VAV2: variants seen among roughly 807,000 people sequenced by gnomAD.
VAV2 encodes the protein vav guanine nucleotide exchange factor 2, also known as guanine nucleotide exchange factor VAV2.
In VAV2, 67 loss-of-function variants were observed where a neutral mutation model predicts 132.5. That is an observed-to-expected ratio of 0.51 (90% CI 0.42 to 0.62). The LOEUF is 0.62. Among genes scored for constraint, VAV2 ranks in the 20% least tolerant of loss-of-function variants. VAV2 has a pLI of 0.00. For synonymous variants in VAV2, 492 were observed against 443.5 expected (o/e 1.11, Z -1.37); for missense variants, 938 against 1,153.6 (o/e 0.81, Z 2.71).
In VAV2 at chr9:133,991,909, C is replaced by A. The variant is rs891804516; in HGVS notation, c.204+166G>T. Among the ~76,000 whole-genome samples the A allele has an allele frequency of 6.6e-6, 1 of 150,570 alleles. No homozygotes were observed. The highest frequency in any genetic ancestry group is 2.1e-4 in the South Asian group (1 of 4,824). On this transcript the variant is annotated intron_variant, in intron 1 of 29. Transcript: ENST00000371850. This position sits in a 1 kb window ranked among gnomAD's most constrained non-coding sequence, Gnocchi z 4.8. ...AACTTCGCGCCTCCTGAGGTCGCGTCTCGGAGGCCCGGGGCGCACCCTCCA... is the reference window on the plus strand; with the variant it reads ...AACTTCGCGCCTCCTGAGGTCGCGTATCGGAGGCCCGGGGCGCACCCTCCA...
chr9:133,978,329 A>ATT (rs1422338801), intron 1 of VAV2, among the ~76,000 whole-genome samples: 1 of 152,178 alleles, frequency 6.6e-6, no homozygotes, highest in Non-Finnish European at 1.5e-5. Flanking sequence ...CCAACACAGC[A>ATT]TTTTTTAAAG....
At chr9:133,874,703 C>G (rs1465152224) in intron 2 of VAV2, among the ~76,000 whole-genome samples, 2 of 152,168 alleles carry the variant, frequency 1.3e-5, no homozygotes, top group South Asian at 2.1e-4. Context: ...GAACCTCCTG[C>G]GCTGCTTCTT....
chr9:133,854,835 G>T (rs1281093636), intron 3 of VAV2, among the ~76,000 whole-genome samples: 5 of 152,208 alleles, frequency 3.3e-5, no homozygotes, highest in African/African-American at 1.2e-4. Flanking sequence ...CTGGCCCAGG[G>T]ACTCACATGT....
intron 3 of VAV2, among the ~76,000 whole-genome samples, chr9:133,855,296 G>A (rs1294944417): frequency 6.6e-6 from 1 of 152,242 alleles, no homozygotes; most frequent in Admixed American, 6.5e-5. Flanking sequence ...AGTCTGCCAA[G>A]GCCCATTCAC....
intron 2 of VAV2, among the ~76,000 whole-genome samples, chr9:133,898,079 G>GA (rs1259765979): frequency 8.3e-6 from 1 of 119,770 alleles, no homozygotes; most frequent in Non-Finnish European, 1.8e-5. Context: ...TTCCCCCTTT[G>GA]AAAATCCCAA....
At chr9:133,933,053 C>T (rs1840742453) in intron 2 of VAV2, among the ~76,000 whole-genome samples, 2 of 152,258 alleles carry the variant, frequency 1.3e-5, no homozygotes, top group African/African-American at 4.8e-5. Context: ...GGGCCATGAG[C>T]AGGGAAAACA....
Position 133,806,175 on chromosome 9 carries a change from T to C in VAV2, c.742A>G (p.Ile248Val). The change falls in exon 9 of 30, where the codon ATC becomes GTC. Residue 248 changes from isoleucine to valine, a missense_variant. Physicochemically the swap from Ile to Val is conservative, Grantham distance 29. Coordinates refer to ENST00000371850, the MANE Select transcript of VAV2 (RefSeq NM_001134398.2). ...CTCAGGAAGCTGTGATGCACCTTGA[T>C]CAGGTCCTGGGTTGAAAACCAGCCG... ...AAVFINLEDL[I>V]KVHHSFLRAI... 3 of 1,611,876 alleles carry C rather than the reference T, an allele frequency of 1.9e-6. No homozygotes were observed. Among genetic ancestry groups the C allele is most frequent in the Non-Finnish European group, 1.7e-6 (2 of 1,179,608 alleles).
At chr9:133,839,894 G>A (rs1399531371) in intron 3 of VAV2, among the ~76,000 whole-genome samples, 12 of 152,204 alleles carry the variant, frequency 7.9e-5, no homozygotes. Flanking sequence ...CAGAGTTCCT[G>A]GGGCCACATC....
At position 133,991,980 on chromosome 9, in the gene VAV2, C is replaced by T; in HGVS notation, c.204+95G>A. The T allele has an allele frequency of 9.0e-7, 1 of 1,114,428 alleles. No individual in the cohort carries two copies. The highest frequency in any genetic ancestry group is 1.1e-6 in the Non-Finnish European group (1 of 891,794). The allele number at this position is 1,114,428 out of a possible 1,614,324, so 69.0% of individuals were successfully genotyped here. On this transcript the variant is annotated intron_variant, in intron 1 of 29. Transcript: ENST00000371850. This position sits in a 1 kb window ranked among gnomAD's most constrained non-coding sequence, Gnocchi z 4.8. ...AGCCCGGCCGCCCCAGCCAGGGCGCCTGGGCCGCCGCCGCTGCGACCTCCG... is the reference window on the plus strand; with the variant it reads ...AGCCCGGCCGCCCCAGCCAGGGCGCTTGGGCCGCCGCCGCTGCGACCTCCG...
rs770926917 is a variant in VAV2 at position 133,807,318 on chromosome 9, C to T, written c.675G>A (p.Met225Ile). ...GGCTCAGCACCAGCCGCAGGGGGCTCATGTAGTTCTGGAAGAGAGAAGTCC... is the reference window on the plus strand; with the variant it reads ...GGCTCAGCACCAGCCGCAGGGGGCTTATGTAGTTCTGGAAGAGAGAAGTCC... ...RTLEDIEKNY[M>I]SPLRLVLSPA... is the part of the protein sequence containing the mutation. The change falls in exon 8 of 30, where the codon ATG (methionine) becomes ATA (isoleucine). Residue 225 changes from methionine (M) to isoleucine (I), a missense_variant. Met to Ile is a conservative substitution (Grantham distance 10). Transcript: ENST00000371850. 4.3e-6 allele frequency: 7 copies of T among 1,610,012 alleles called. No individual in the cohort carries two copies. The African/African-American group carries it at 9.4e-5, about 22-fold the overall frequency.
chr9:133,835,929 A>G (rs925074690), intron 3 of VAV2, among the ~76,000 whole-genome samples: 2 of 152,144 alleles, frequency 1.3e-5, no homozygotes, highest in African/African-American at 4.8e-5. Context: ...TGACCTCTGC[A>G]TGGGTGAGCT....
At chr9:133,911,842 G>A (rs749372935) in intron 2 of VAV2, among the ~76,000 whole-genome samples, 4 of 152,244 alleles carry the variant, frequency 2.6e-5, no homozygotes, top group Non-Finnish European at 5.9e-5. Context: ...ACCACACACC[G>A]AATGTCCTCC....
At chr9:133,813,132 G>C (rs965875474) in intron 4 of VAV2, among the ~76,000 whole-genome samples, 8 of 152,328 alleles carry the variant, frequency 5.3e-5, no homozygotes, top group African/African-American at 1.9e-4. Flanking sequence ...GGGGCTCACT[G>C]CACCTGGGGG....
chr9:133,961,839 C>T lies in VAV2; in HGVS notation c.205-22620G>A, dbSNP rs770733767. Among the ~76,000 whole-genome samples the T allele has an allele frequency of 2.0e-5, 3 of 152,156 alleles. No homozygotes were observed. The highest frequency in any genetic ancestry group is 4.4e-5 in the Non-Finnish European group (3 of 68,016). Reference sequence around the variant, plus strand: ...GAGTGGCCCCTCGTTCTGGTGGCCACGCAGGCCTAGGCTGGGAACAGGGAG... The same window carrying T: ...GAGTGGCCCCTCGTTCTGGTGGCCATGCAGGCCTAGGCTGGGAACAGGGAG... On this transcript the variant is annotated intron_variant, in intron 1 of 29. Transcript: ENST00000371850. This position sits in a 1 kb window ranked among gnomAD's most constrained non-coding sequence, Gnocchi z 4.1.
chr9:133,784,384 G>C lies in VAV2; in HGVS notation c.1567C>G (p.His523Asp), dbSNP rs1364781694. Residue 523 changes from histidine (H) to aspartate (D), a missense_variant, in exon 18 of 30, where the codon CAC (histidine) becomes GAC (aspartate). Transcript: ENST00000371850. ...AACGTGTACATCTGGAAACTGTGGTGGTTGGCATTGGCTTTGTCTGGCTTG... is the reference window on the plus strand; with the variant it reads ...AACGTGTACATCTGGAAACTGTGGTCGTTGGCATTGGCTTTGTCTGGCTTG... The part of the protein sequence containing the change: ...NIKPDKANAN[H>D]HSFQMYTFDK... 1.2e-6 allele frequency: 2 copies of C among 1,614,106 alleles called. No individual in the cohort carries two copies. Among genetic ancestry groups the C allele is most frequent in the African/African-American group, 2.7e-5 (2 of 74,946 alleles).
intron 1 of VAV2, among the ~76,000 whole-genome samples, chr9:133,970,023 G>A (rs1400971223): frequency 1.3e-5 from 2 of 152,078 alleles, no homozygotes; most frequent in African/African-American, 4.8e-5. Flanking sequence ...CGTGCAGGGT[G>A]GTCTGCACCC....
intron 1 of VAV2, among the ~76,000 whole-genome samples, chr9:133,963,402 G>A (rs138433368): frequency 3.3e-5 from 5 of 152,314 alleles, no homozygotes; most frequent in East Asian, 1.9e-4. Flanking sequence ...GGGCAGAGAC[G>A]GTGCAGCCTG....
intron 12 of VAV2, among the ~76,000 whole-genome samples, chr9:133,795,161 C>T (rs530563735): frequency 5.3e-5 from 8 of 152,306 alleles, no homozygotes; most frequent in Admixed American, 3.3e-4. Flanking sequence ...GAGGGAGCCA[C>T]GGAAGGTTTC....
chr9:133,943,269 G>A (rs1043081785), intron 1 of VAV2, among the ~76,000 whole-genome samples: 2 of 152,188 alleles, frequency 1.3e-5, no homozygotes, highest in African/African-American at 4.8e-5. Context: ...AGACCCTGAC[G>A]GTTGGCAGGG....
Sources: gnomAD v4.1 joint callset for allele counts (sites outside exome capture counted in the v4.1 genomes callset) on GRCh38, gnomAD v4.1.1 for gene constraint, Gnocchi (gnomAD v3.1) non-coding constraint, MANE v1.5 for transcripts, NCBI Gene and HGNC (gene_info 2026-07-23, HGNC 2026-07-21) for gene names.